The following DNAAF11 variants were observed in gnomAD, a reference collection of about 807,000 sequenced individuals.
DNAAF11 encodes leucine rich repeat containing 6.
In DNAAF11, 45 loss-of-function variants were observed where a neutral mutation model predicts 60.8. The observed-to-expected ratio is 0.74, with a 90% CI of 0.58 to 0.95. The LOEUF (loss-of-function observed/expected upper bound fraction) is 0.95, where lower values mean the gene tolerates loss of function less well. Among genes scored for constraint, DNAAF11 ranks in the 40% least tolerant of loss-of-function variants. The probability of loss-of-function intolerance (pLI) is 0.00; values close to 1 mark genes in which losing one functional copy is unlikely to be tolerated. For synonymous variants in DNAAF11, 191 were observed against 183.5 expected (o/e 1.04, Z -0.33); for missense variants, 546 against 546.2 (o/e 1.00, Z 0.00).
chr8:132,625,294 G>A lies in DNAAF11; in HGVS notation c.814C>T (p.Arg272Trp), dbSNP rs780609401. The change falls in exon 6 of 12, where the codon CGG becomes TGG. Residue 272 changes from arginine to tryptophan, a missense_variant. Transcript: ENST00000620350. ...TACCTTAATTTTTCCTGTTTCTTCCGTTGTTTTTCCATGTGTCTAAGAGTT... is the reference window on the plus strand; with the variant it reads ...TACCTTAATTTTTCCTGTTTCTTCCATTGTTTTTCCATGTGTCTAAGAGTT... ...LETLRHMEKQ[R>W]KKQEKLSEKK... 3.7e-5 allele frequency: 59 copies of A among 1,603,288 alleles called. No individual in the cohort carries two copies. The highest frequency in any genetic ancestry group is 2.5e-4 in the East Asian group (11 of 44,640).
chr8:132,572,462 T>C lies in DNAAF11; in HGVS notation c.1245A>G (p.Lys415=), dbSNP rs149631064. 5.9e-4 allele frequency: 941 copies of C among 1,602,202 alleles called. 10 individuals carry two copies. Among genetic ancestry groups the C allele is most frequent in the Admixed American group, 9.0e-4 (52 of 57,966 alleles). Residue 415 remains lysine (K), a synonymous_variant, in exon 12 of 12, where the codon AAA becomes AAG. Transcript: ENST00000620350. ...QTNTRSKHME[K]LEVDPSKHSF... is the part of the protein sequence containing the mutation. ...AGTGCTTGCTAGGGTCTACTTCTAGTTTCTCCATGTGCTTGCTTCTATAAC... is the reference window on the plus strand; with the variant it reads ...AGTGCTTGCTAGGGTCTACTTCTAGCTTCTCCATGTGCTTGCTTCTATAAC...
intron 10 of DNAAF11, among the ~76,000 whole-genome samples, chr8:132,593,509 T>G (rs1816696770): frequency 6.6e-6 from 1 of 151,168 alleles, no homozygotes; most frequent in Non-Finnish European, 1.5e-5. Context: ...CAGATTGACC[T>G]ACAGATTCAA....
intron 11 of DNAAF11, among the ~76,000 whole-genome samples, chr8:132,576,739 A>G (rs944510191): frequency 4.6e-5 from 7 of 152,216 alleles, no homozygotes; most frequent in Admixed American, 3.9e-4. Context: ...CTGAAAAAAA[A>G]TCCAAAATAA....
chr8:132,579,911 C>T (rs1425185256), intron 11 of DNAAF11, among the ~76,000 whole-genome samples: 6 of 151,858 alleles, frequency 4.0e-5, no homozygotes, highest in South Asian at 2.1e-4. Flanking sequence ...GCACAAGAAT[C>T]GCTTGAACTG....
chr8:132,601,471 C>T lies in DNAAF11; in HGVS notation c.1140+8695G>A, dbSNP rs528114892. Among the ~76,000 whole-genome samples, 7 of 152,296 alleles carry T rather than the reference C, an allele frequency of 4.6e-5. No individual in the cohort carries two copies. In the East Asian group the frequency reaches 9.6e-4, roughly 21 times the overall value. Reference sequence around the variant, plus strand: ...TCATGCTGCTACAAAGACACATGCACACGTATGTTTATTGCAGCACTATTC... The same window carrying T: ...TCATGCTGCTACAAAGACACATGCATACGTATGTTTATTGCAGCACTATTC... On this transcript the variant is annotated intron_variant, in intron 10 of 11. Transcript: ENST00000620350.
intron 10 of DNAAF11, among the ~76,000 whole-genome samples, chr8:132,600,655 C>G (rs1420393913): frequency 7.2e-5 from 11 of 151,996 alleles, no homozygotes; most frequent in Non-Finnish European, 1.5e-4. Flanking sequence ...ACAAACCTGA[C>G]AAAAACAAGA....
chr8:132,622,817 A>G (rs1819894863), intron 6 of DNAAF11, 129 bp from the exon 7 acceptor site: 3 of 667,282 alleles, frequency 4.5e-6, no homozygotes, highest in Non-Finnish European at 7.9e-6. Flanking sequence ...TTACGAACAC[A>G]TCAACAATTC....
chr8:132,672,258 A>C (rs1050976395), intron 1 of DNAAF11, among the ~76,000 whole-genome samples: 3 of 152,220 alleles, frequency 2.0e-5, no homozygotes, highest in Non-Finnish European at 4.4e-5. Context: ...CAATAGTATA[A>C]AATTTAAGAA....
chr8:132,700,714 G>A, the DNAAF11 span, among the ~76,000 whole-genome samples: 1 of 152,162 alleles, frequency 6.6e-6, no homozygotes, highest in East Asian at 1.9e-4. Flanking sequence ...AATAGAAACA[G>A]AATCTGATTG....
intron 10 of DNAAF11, among the ~76,000 whole-genome samples, chr8:132,608,742 AGAAT>A (rs1203977876): frequency 6.6e-6 from 1 of 152,226 alleles, no homozygotes; most frequent in Non-Finnish European, 1.5e-5. Flanking sequence ...ATTTCCCTAT[AGAAT>A]ATTCTGGTTA....
chr8:132,692,729 G>C, the DNAAF11 span, among the ~76,000 whole-genome samples: 1 of 152,126 alleles, frequency 6.6e-6, no homozygotes, highest in African/African-American at 2.4e-5. Context: ...CCAATTCCCA[G>C]CTACCTATGT....
chr8:132,612,243 G>T (rs1282853589), intron 8 of DNAAF11, among the ~76,000 whole-genome samples: 3 of 152,122 alleles, frequency 2.0e-5, no homozygotes, highest in Admixed American at 1.3e-4. Flanking sequence ...GAAGGAACAT[G>T]TATAGTGCCC....
chr8:132,644,498 T>C (rs960904599), intron 3 of DNAAF11, among the ~76,000 whole-genome samples: 1 of 152,030 alleles, frequency 6.6e-6, no homozygotes, highest in Non-Finnish European at 1.5e-5. Context: ...GGACAATGGG[T>C]GCAGCTCACG....
In DNAAF11 at chr8:132,638,104, C is replaced by T. The variant is rs1339882392; in HGVS notation, c.260G>A (p.Cys87Tyr). 6.2e-7 allele frequency: 1 copy of T among 1,611,668 alleles called. No homozygotes were observed. The highest frequency in any genetic ancestry group is 8.5e-7 in the Non-Finnish European group (1 of 1,179,262). Residue 87 changes from cysteine to tyrosine, a missense_variant, in exon 4 of 12, where the codon TGT becomes TAT. By Grantham distance (194) the Cys-to-Tyr change is radical. Coordinates refer to ENST00000620350, the MANE Select transcript of DNAAF11 (RefSeq NM_012472.6). ...CAGGTCAAGTTTTGCCAGCTCTTCACATCCTGTTGAGAAAAATAAAGTGAA... is the reference window on the plus strand; with the variant it reads ...CAGGTCAAGTTTTGCCAGCTCTTCATATCCTGTTGAGAAAAATAAAGTGAA... ...NIEKIENLEG[C>Y]EELAKLDLTV... is the part of the protein sequence containing the mutation.
intron 10 of DNAAF11, chr8:132,608,566 C>T (rs769614990): frequency 1.7e-4 from 69 of 418,154 alleles, no homozygotes; most frequent in African/African-American, 1.3e-3. Context: ...GCAAAAGATA[C>T]ACAAATCATC....
At chr8:132,602,628 A>G (rs557530484) in intron 10 of DNAAF11, among the ~76,000 whole-genome samples, 2 of 152,124 alleles carry the variant, frequency 1.3e-5, no homozygotes, top group East Asian at 1.9e-4. Context: ...CCCTCAAGGA[A>G]GAAGAGCAAC....
intron 10 of DNAAF11, among the ~76,000 whole-genome samples, chr8:132,587,007 G>T (rs1815971332): frequency 6.6e-6 from 1 of 151,906 alleles, no homozygotes; most frequent in Non-Finnish European, 1.5e-5. Context: ...TAAAATATCA[G>T]CTTAAAAAAA....
chr8:132,604,855 A>G (rs1817981824), intron 10 of DNAAF11, among the ~76,000 whole-genome samples: 1 of 152,192 alleles, frequency 6.6e-6, no homozygotes, highest in Non-Finnish European at 1.5e-5. Flanking sequence ...ACCAACAAAG[A>G]AAACCTTCTA....
At chr8:132,593,767 G>A (rs1816718013) in intron 10 of DNAAF11, among the ~76,000 whole-genome samples, 1 of 151,992 alleles carries the variant, frequency 6.6e-6, no homozygotes, top group Non-Finnish European at 1.5e-5. Flanking sequence ...TGAGGCCATT[G>A]ATTTTTGACA....
Sources: gnomAD v4.1 joint callset for allele counts (sites outside exome capture counted in the v4.1 genomes callset) on GRCh38, gnomAD v4.1.1 for gene constraint, MANE v1.5 for transcripts, NCBI Gene and HGNC (gene_info 2026-07-23, HGNC 2026-07-21) for gene names.